FHIT: variants seen among roughly 807,000 people sequenced by gnomAD.
FHIT encodes the protein bis(5'-adenosyl)-triphosphatase.
A neutral mutation model predicts 17.9 loss-of-function variants in FHIT; 19 were observed. That is an observed-to-expected ratio of 1.06 (90% CI 0.74 to 1.56). The LOEUF (loss-of-function observed/expected upper bound fraction) is 1.56. Ranked by LOEUF, FHIT falls within the 40% of genes most tolerant of loss-of-function variation. The probability of loss-of-function intolerance (pLI) is 0.00; values close to 1 mark genes in which losing one functional copy is unlikely to be tolerated. For missense variants in FHIT, 248 were observed against 189.2 expected (o/e 1.31, Z -1.82); for synonymous variants, 81 against 69.7 (o/e 1.16, Z -0.81).
At chr3:59,763,969 G>T (rs540460602) in intron 8 of FHIT, among the ~76,000 whole-genome samples, 1 of 152,298 alleles carries the variant, frequency 6.6e-6, no homozygotes, top group East Asian at 1.9e-4. Context: ...CACCTACTTT[G>T]TGCTAGGCGC....
intron 8 of FHIT, among the ~76,000 whole-genome samples, chr3:59,763,840 T>C (rs1701653199): frequency 6.6e-6 from 1 of 152,136 alleles, no homozygotes; most frequent in Non-Finnish European, 1.5e-5. Flanking sequence ...AGTTCTCAGA[T>C]AGAAGGTAGA....
intron 8 of FHIT, among the ~76,000 whole-genome samples, chr3:59,790,490 T>TTC (rs957122236): frequency 3.4e-4 from 50 of 148,060 alleles, no homozygotes; most frequent in African/African-American, 1.2e-3. Context: ...TGTTCATTGC[T>TTC]TCTCTCTCTC....
intron 8 of FHIT, among the ~76,000 whole-genome samples, chr3:59,828,614 C>T (rs1701056235): frequency 6.6e-6 from 1 of 152,168 alleles, no homozygotes. Context: ...AGGCACTTGC[C>T]TAACTTCTTG....
At chr3:60,234,894 T>C (rs1047097857) in intron 5 of FHIT, among the ~76,000 whole-genome samples, 2 of 152,188 alleles carry the variant, frequency 1.3e-5, no homozygotes, top group Admixed American at 6.5e-5. Context: ...TGTTTAATAA[T>C]GATGGTTTAG....
intron 4 of FHIT, among the ~76,000 whole-genome samples, chr3:60,798,083 TACA>T (rs1300152686): frequency 1.3e-5 from 2 of 152,228 alleles, no homozygotes; most frequent in African/African-American, 4.8e-5. Flanking sequence ...TTTGGGCTGT[TACA>T]ACGACTCTTC....
At chr3:60,766,821 C>A (rs1284048259) in intron 4 of FHIT, among the ~76,000 whole-genome samples, 1 of 152,164 alleles carries the variant, frequency 6.6e-6, no homozygotes, top group African/African-American at 2.4e-5. Flanking sequence ...AGTAGGAACA[C>A]AGAGATAAGC....
chr3:60,283,341 C>CA (rs1299486671), intron 5 of FHIT, among the ~76,000 whole-genome samples: 11 of 151,814 alleles, frequency 7.2e-5, no homozygotes, highest in African/African-American at 2.2e-4. Flanking sequence ...TTATATGTGA[C>CA]AAAATCATAT....
rs532161404 is a variant in FHIT, at chr3:60,918,715, C to T, written c.-110-96704G>A. Among the ~76,000 whole-genome samples the T allele has an allele frequency of 2.6e-5, 4 of 152,254 alleles. No homozygotes were observed. In the South Asian group the frequency reaches 6.2e-4, roughly 24 times the overall value. On this transcript the variant is annotated intron_variant, in intron 3 of 9. Coordinates refer to ENST00000492590, the MANE Select transcript of FHIT (RefSeq NM_002012.4). ...GTTCCCCAAACATCAAAGCATGGAACCTTGGTGTTACATGGTCCACTGACA... is the reference window on the plus strand; with the variant it reads ...GTTCCCCAAACATCAAAGCATGGAATCTTGGTGTTACATGGTCCACTGACA...
intron 7 of FHIT, among the ~76,000 whole-genome samples, chr3:59,976,939 C>T (rs1465141950): frequency 1.3e-5 from 2 of 152,070 alleles, no homozygotes; most frequent in African/African-American, 4.8e-5. Context: ...GAAGACACAT[C>T]TAATGGTGAA....
chr3:60,161,055 G>C (rs1700917717), intron 5 of FHIT, among the ~76,000 whole-genome samples: 1 of 152,018 alleles, frequency 6.6e-6, no homozygotes, highest in Non-Finnish European at 1.5e-5. Flanking sequence ...CGGAGTTTCT[G>C]GCCACTTAAA....
At chr3:60,921,062 A>G (rs1396103917) in intron 3 of FHIT, among the ~76,000 whole-genome samples, 2 of 152,230 alleles carry the variant, frequency 1.3e-5, no homozygotes, top group East Asian at 1.9e-4. Flanking sequence ...CATACACCGG[A>G]ACTGTGCATA....
intron 8 of FHIT, among the ~76,000 whole-genome samples, chr3:59,789,001 G>T (rs1314448350): frequency 1.3e-5 from 2 of 150,554 alleles, no homozygotes; most frequent in Admixed American, 6.7e-5. Flanking sequence ...TGACAGCCCC[G>T]CTAAGAAGAA....
chr3:59,998,319 G>A (rs2107492962), intron 7 of FHIT, among the ~76,000 whole-genome samples: 1 of 152,166 alleles, frequency 6.6e-6, no homozygotes, highest in South Asian at 2.1e-4. Flanking sequence ...AAACCAGGCA[G>A]CCCGACTTCA....
At chr3:60,918,197 T>A (rs1437342060) in intron 3 of FHIT, among the ~76,000 whole-genome samples, 2 of 152,228 alleles carry the variant, frequency 1.3e-5, no homozygotes, top group Non-Finnish European at 2.9e-5. Flanking sequence ...ATTGTGAGGC[T>A]TCCCCAGCCA....
intron 3 of FHIT, among the ~76,000 whole-genome samples, chr3:60,871,233 A>G (rs1391282248): frequency 6.6e-6 from 1 of 152,144 alleles, no homozygotes; most frequent in Admixed American, 6.6e-5. Flanking sequence ...CCCGTTTTGC[A>G]TATTTTAACA....
intron 5 of FHIT, among the ~76,000 whole-genome samples, chr3:60,396,672 T>C (rs1040930153): frequency 9.8e-5 from 15 of 152,292 alleles, no homozygotes; most frequent in Admixed American, 3.3e-4. Context: ...AACTGCTTAA[T>C]AGGTAAGAGG....
At chr3:60,746,289 C>T (rs940864023) in intron 4 of FHIT, among the ~76,000 whole-genome samples, 5 of 152,156 alleles carry the variant, frequency 3.3e-5, no homozygotes, top group Non-Finnish European at 7.3e-5. Context: ...AAATTATTCA[C>T]ATGGCTTTCC....
chr3:59,995,679 T>C (rs888221813), intron 7 of FHIT, among the ~76,000 whole-genome samples: 1 of 152,088 alleles, frequency 6.6e-6, no homozygotes, highest in African/African-American at 2.4e-5. Flanking sequence ...GGAGAAAAAC[T>C]GTGGATCTGG....
intron 1 of FHIT, among the ~76,000 whole-genome samples, chr3:61,235,610 G>A (rs1365807742): frequency 3.9e-5 from 6 of 152,162 alleles, no homozygotes; most frequent in East Asian, 3.9e-4. Flanking sequence ...GCTGAGACAG[G>A]AGAATCGCTT....
Sources: gnomAD v4.1 joint callset for allele counts (sites outside exome capture counted in the v4.1 genomes callset) on GRCh38, gnomAD v4.1.1 for gene constraint, MANE v1.5 for transcripts, NCBI Gene and HGNC (gene_info 2026-07-23, HGNC 2026-07-21) for gene names.